UBE2QL1: variants seen among roughly 807,000 people sequenced by gnomAD.
UBE2QL1 encodes ubiquitin conjugating enzyme E2 QL1.
In UBE2QL1, 5 loss-of-function variants were observed where a neutral mutation model predicts 12.6. The ratio of observed to expected loss-of-function variants is 0.40; its 90% CI spans 0.21 to 0.83. UBE2QL1 has a LOEUF of 0.83. Ranked by LOEUF, UBE2QL1 falls within the 40% of genes least tolerant of loss-of-function variation. The pLI is 0.37. For synonymous variants in UBE2QL1, 96 were observed against 94.5 expected, an observed-to-expected ratio of 1.02 and a Z score of -0.10; for missense variants, 99 against 222.6, an observed-to-expected ratio of 0.44 and a Z score of 3.53.
At chr5:6,453,968 A>G (rs755626528) in intron 1 of UBE2QL1, among the ~76,000 whole-genome samples, 2 of 152,142 alleles carry the variant, frequency 1.3e-5, no homozygotes, top group Non-Finnish European at 2.9e-5. Context: ...GTAATCTTTA[A>G]TTCCTGGGCT....
intron 1 of UBE2QL1, among the ~76,000 whole-genome samples, chr5:6,477,194 G>A (rs12515638): frequency 0.036 from 5,542 of 152,300 alleles, 144 homozygotes; most frequent in South Asian, 0.1. Context: ...TGCCCCCCAG[G>A]CCTCACTGGG....
chr5:6,465,088 G>A (rs1012314628), intron 1 of UBE2QL1, among the ~76,000 whole-genome samples: 1 of 151,290 alleles, frequency 6.6e-6, no homozygotes, highest in African/African-American at 2.4e-5. Flanking sequence ...CTGGCTTTAA[G>A]CAATTTTCAA....
chr5:6,482,026 G>T (rs1734372525), intron 1 of UBE2QL1, among the ~76,000 whole-genome samples: 1 of 152,232 alleles, frequency 6.6e-6, no homozygotes, highest in South Asian at 2.1e-4. Context: ...TTGAGAGGAG[G>T]TCTTGCTGGG....
rs1420008859 is a variant in UBE2QL1, at chr5:6,494,604, G to A, written c.*3255G>A. On this transcript the variant is annotated 3_prime_UTR_variant, in exon 2 of 2. Transcript: ENST00000399816. Reference sequence around the variant, plus strand: ...CAAAATGACGCAGCAGAAGTGCTTTGGAGACTAAAGATTGTCAACGAAATG... The same window carrying A: ...CAAAATGACGCAGCAGAAGTGCTTTAGAGACTAAAGATTGTCAACGAAATG... 1.3e-5 allele frequency: 2 copies of A among 152,164 alleles called. No homozygotes were observed. Among genetic ancestry groups the A allele is most frequent in the East Asian group, 3.9e-4 (2 of 5,188 alleles). The allele number at this position is 152,164 out of a possible 1,614,324, so 9.4% of individuals were successfully genotyped here. A position where few individuals can be genotyped will look rare whatever the true frequency, so the allele number is the denominator to read the frequency against.
chr5:6,474,566 G>GA (rs1190539863), intron 1 of UBE2QL1, among the ~76,000 whole-genome samples: 1 of 152,162 alleles, frequency 6.6e-6, no homozygotes, highest in East Asian at 1.9e-4. Context: ...TCCTGGGTGA[G>GA]AATTAGATGA....
intron 1 of UBE2QL1, among the ~76,000 whole-genome samples, chr5:6,455,448 T>C (rs887874885): frequency 6.6e-6 from 1 of 152,012 alleles, no homozygotes; most frequent in Non-Finnish European, 1.5e-5. Context: ...GAATCAGAGG[T>C]TGTTGCTGCC....
At chr5:6,459,864 A>G (rs146257487) in intron 1 of UBE2QL1, among the ~76,000 whole-genome samples, 2 of 152,346 alleles carry the variant, frequency 1.3e-5, no homozygotes, top group East Asian at 3.9e-4. Flanking sequence ...AATTATAGGA[A>G]GTGCTGAATT....
At chr5:6,483,593 T>C (rs1391221068) in intron 1 of UBE2QL1, among the ~76,000 whole-genome samples, 1 of 152,238 alleles carries the variant, frequency 6.6e-6, no homozygotes, top group Non-Finnish European at 1.5e-5. Context: ...TCGCCTCTCC[T>C]GGACACGCAC....
intron 1 of UBE2QL1, among the ~76,000 whole-genome samples, chr5:6,486,184 G>A (rs1367010121): frequency 6.6e-6 from 1 of 152,054 alleles, no homozygotes; most frequent in African/African-American, 2.4e-5. Context: ...TTACATATGA[G>A]AAAATCGACA....
intron 1 of UBE2QL1, among the ~76,000 whole-genome samples, chr5:6,474,497 G>A (rs1051540921): frequency 2.6e-5 from 4 of 152,224 alleles, no homozygotes; most frequent in Admixed American, 2.6e-4. Context: ...CTTCCACAGA[G>A]AAGTTACTTG....
chr5:6,465,893 G>A (rs952525692), intron 1 of UBE2QL1, among the ~76,000 whole-genome samples: 16 of 152,090 alleles, frequency 1.1e-4, no homozygotes, highest in African/African-American at 3.9e-4. Flanking sequence ...TTTTTACCCC[G>A]CGCAAAGCGT....
intron 1 of UBE2QL1, among the ~76,000 whole-genome samples, chr5:6,460,806 TGCA>T (rs2126333712): frequency 6.6e-6 from 1 of 152,376 alleles, no homozygotes; most frequent in South Asian, 2.1e-4. Flanking sequence ...GCTCCCTAAA[TGCA>T]CATCAAAAGT....
intron 1 of UBE2QL1, among the ~76,000 whole-genome samples, chr5:6,465,490 G>A (rs1033999894): frequency 7.2e-5 from 11 of 152,150 alleles, no homozygotes; most frequent in Admixed American, 5.2e-4. Flanking sequence ...CAGAAAACTG[G>A]GAGATGAGCA....
intron 1 of UBE2QL1, among the ~76,000 whole-genome samples, chr5:6,472,059 G>A (rs1418597538): frequency 6.6e-6 from 1 of 152,120 alleles, no homozygotes; most frequent in Non-Finnish European, 1.5e-5. Flanking sequence ...CCGTGCATAT[G>A]TGTGTTTCAT....
chr5:6,465,124 C>T (rs993007953), intron 1 of UBE2QL1, among the ~76,000 whole-genome samples: 17 of 151,822 alleles, frequency 1.1e-4, no homozygotes, highest in Admixed American at 1.3e-4. Flanking sequence ...GTATCTGGGA[C>T]CACAGGTGTG....
chr5:6,489,441 AAG>A (rs1431534458), intron 1 of UBE2QL1, among the ~76,000 whole-genome samples: 1 of 151,956 alleles, frequency 6.6e-6, no homozygotes, highest in East Asian at 1.9e-4. Context: ...AAAAAAGAAA[AAG>A]AAAAATTTTT....
intron 1 of UBE2QL1, among the ~76,000 whole-genome samples, chr5:6,450,476 A>C (rs187242738): frequency 1.3e-5 from 2 of 152,214 alleles, no homozygotes; most frequent in Non-Finnish European, 1.5e-5. Flanking sequence ...TTACTTAAGA[A>C]AATTACATTG....
At chr5:6,461,186 C>T (rs1382251421) in intron 1 of UBE2QL1, among the ~76,000 whole-genome samples, 1 of 152,192 alleles carries the variant, frequency 6.6e-6, no homozygotes, top group Non-Finnish European at 1.5e-5. Context: ...GGTCTTACTG[C>T]AATTGGAGGC....
chr5:6,487,870 AG>A (rs1734494172), intron 1 of UBE2QL1, among the ~76,000 whole-genome samples: 1 of 151,988 alleles, frequency 6.6e-6, no homozygotes, highest in Non-Finnish European at 1.5e-5. Context: ...CACGGGATGG[AG>A]GGGTCCCCCC....
Sources: allele counts gnomAD v4.1 joint callset (sites outside exome capture counted in the v4.1 genomes callset), GRCh38; gene constraint gnomAD v4.1.1; transcripts MANE v1.5; gene names NCBI Gene and HGNC (gene_info 2026-07-23, HGNC 2026-07-21).